The following STX5 variants were observed in gnomAD, a reference collection of about 807,000 sequenced individuals.
STX5 encodes the protein syntaxin-5.
Under a neutral mutation model 42.9 loss-of-function variants are expected in STX5, and 15 were observed. That is an observed-to-expected ratio of 0.35 (90% CI 0.23 to 0.54). STX5 has a LOEUF of 0.54. Among genes scored for constraint, STX5 ranks in the 20% least tolerant of loss-of-function variants. The pLI is 0.91. For missense variants in STX5, 430 were observed against 455.0 expected, an observed-to-expected ratio of 0.95 and a Z score of 0.50; for synonymous variants, 184 against 173.2, an observed-to-expected ratio of 1.06 and a Z score of -0.49.
Position 62,809,763 on chromosome 11 carries a change from T to C in STX5, c.909-2135A>G, listed in dbSNP as rs1417803592. On this transcript the variant is annotated intron_variant, in intron 10 of 10. Transcript: ENST00000294179. ...ATTAGCATGCTGTAGTATCTAGGAATAAAACAGCATGAAATTTGCACCTAC... is the reference window on the plus strand; with the variant it reads ...ATTAGCATGCTGTAGTATCTAGGAACAAAACAGCATGAAATTTGCACCTAC... Among the ~76,000 whole-genome samples the C allele has an allele frequency of 2.3e-5, 3 of 131,852 alleles. No individual in the cohort carries two copies. In the South Asian group the frequency reaches 7.9e-4, roughly 35 times the overall value. 86.5% of individuals were successfully genotyped at this position (131,852 alleles called of 152,430 possible). A position where few individuals can be genotyped will look rare whatever the true frequency, so the allele number is the denominator to read the frequency against.
At chr11:62,816,508 T>C (rs2084674695) in intron 10 of STX5, among the ~76,000 whole-genome samples, 2 of 152,102 alleles carry the variant, frequency 1.3e-5, no homozygotes, top group Admixed American at 1.3e-4. Flanking sequence ...CCTGAGCTTC[T>C]GGCCTCAAGC....
intron 10 of STX5, among the ~76,000 whole-genome samples, chr11:62,821,896 C>T (rs752219209): frequency 2.6e-5 from 4 of 151,264 alleles, no homozygotes; most frequent in African/African-American, 7.3e-5. Context: ...CGTGGTCTCA[C>T]GCACTTGCAG....
chr11:62,816,593 G>A (rs773215781), intron 10 of STX5, among the ~76,000 whole-genome samples: 13 of 151,450 alleles, frequency 8.6e-5, no homozygotes, highest in Non-Finnish European at 1.3e-4. Context: ...GTAAAAAAAC[G>A]AAAAAAGAAA....
At position 62,824,882 on chromosome 11, in the gene STX5, A is replaced by G. The variant is rs117444154; in HGVS notation, c.679+154T>C. 8.9e-4 allele frequency: 620 copies of G among 699,270 alleles called. 7 individuals are homozygous for G. In the East Asian group the frequency reaches 0.014, roughly 15 times the overall value. The allele number at this position is 699,270 out of a possible 1,614,324, so 43.3% of individuals were successfully genotyped here. A position where few individuals can be genotyped will look rare whatever the true frequency, so the allele number is the denominator to read the frequency against. Reference sequence around the variant, plus strand: ...TGTGGGAGTCTAAATGTGGATCACGAATCTCAACCATCTGGTTTGGCCTCT... The same window carrying G: ...TGTGGGAGTCTAAATGTGGATCACGGATCTCAACCATCTGGTTTGGCCTCT... On this transcript the variant is annotated intron_variant, in intron 8 of 10. Coordinates refer to ENST00000294179, the MANE Select transcript of STX5 (RefSeq NM_003164.5).
At chr11:62,823,891 C>G in intron 10 of STX5, 1 of 437,074 alleles carries the variant, frequency 2.3e-6, no homozygotes, top group Non-Finnish European at 4.2e-6. Context: ...TCTGCCCTAT[C>G]AAATTCCATA....
Position 62,825,662 on chromosome 11 carries a change from TCA to T in STX5, c.424-125_424-124del, listed in dbSNP as rs1458221599. 1.8e-5 allele frequency: 15 copies of T among 847,362 alleles called. No homozygotes were observed. The African/African-American group carries it at 2.3e-4, about 13-fold the overall frequency. 52.5% of individuals were successfully genotyped at this position (847,362 alleles called of 1,614,324 possible). On this transcript the variant is annotated intron_variant, in intron 5 of 10. Coordinates refer to ENST00000294179, the MANE Select transcript of STX5 (RefSeq NM_003164.5). ...AGTTACTAGCCAGAGTGAGAGTATC[TCA>T]GACAGTCAGACCAGATGGGCCTGCT...
chr11:62,830,162 C>CTTT (rs201147713), intron 2 of STX5, among the ~76,000 whole-genome samples: 17 of 137,794 alleles, frequency 1.2e-4, no homozygotes, highest in Admixed American at 1.1e-3. Flanking sequence ...CCACGTCCAG[C>CTTT]TTTTTTTTTT....
intron 10 of STX5, among the ~76,000 whole-genome samples, chr11:62,817,674 G>A (rs2084690472): frequency 1.3e-5 from 2 of 152,114 alleles, no homozygotes; most frequent in Non-Finnish European, 2.9e-5. Context: ...TATTATAACT[G>A]AGGGAAAATA....
chr11:62,824,152 A>T lies in STX5; in HGVS notation c.908+14T>A, dbSNP rs372357506. 3 of 1,614,100 alleles carry T rather than the reference A, an allele frequency of 1.9e-6. No homozygotes were observed. The African/African-American group carries it at 4.0e-5, about 22-fold the overall frequency. On this transcript the variant is annotated intron_variant, in intron 10 of 10. Coordinates refer to ENST00000294179, the MANE Select transcript of STX5 (RefSeq NM_003164.5). ...AGAAAGCTCCTCTGTTTGGGGCGAG[A>T]GAGTGTATCTCACCTCTGAATGGTT... is the stretch of plus-strand genomic sequence containing the variant.
intron 10 of STX5, among the ~76,000 whole-genome samples, chr11:62,818,199 C>T (rs1018043875): frequency 1.4e-5 from 2 of 146,910 alleles, no homozygotes; most frequent in Admixed American, 1.4e-4. Flanking sequence ...GAGCCAAGAT[C>T]GCACCACTGC....
chr11:62,824,442 G>C lies in STX5; in HGVS notation c.786+17C>G. The C allele has an allele frequency of 6.2e-7, 1 of 1,614,082 alleles. No homozygotes were observed. The highest frequency in any genetic ancestry group is 8.5e-7 in the Non-Finnish European group (1 of 1,179,976). ...ATAATGGAGAAGCTGATTCTACCTA[G>C]TTCAGAGCCTGGGTACCTGCTCGTC... On this transcript the variant is annotated intron_variant, in intron 9 of 10. Coordinates refer to ENST00000294179, the MANE Select transcript of STX5 (RefSeq NM_003164.5).
intron 1 of STX5, among the ~76,000 whole-genome samples, chr11:62,831,619 C>T (rs1299760169): frequency 2.0e-5 from 3 of 152,182 alleles, no homozygotes; most frequent in Non-Finnish European, 1.5e-5. Context: ...TTTCCTTCGG[C>T]CCCTCCGGGA....
chr11:62,827,021 G>C (rs532209410), intron 5 of STX5, 134 bp downstream of exon 5: 2 of 739,824 alleles, frequency 2.7e-6, no homozygotes, highest in Admixed American at 2.5e-5. Flanking sequence ...CTACACTCCA[G>C]ACTGGTCAAC....
At chr11:62,814,334 G>C (rs564203464) in intron 10 of STX5, among the ~76,000 whole-genome samples, 2 of 152,036 alleles carry the variant, frequency 1.3e-5, no homozygotes, top group South Asian at 4.2e-4. Context: ...CCCTAATTTT[G>C]TATTTTTGGC....
chr11:62,829,462 C>T (rs1016707161), intron 2 of STX5, among the ~76,000 whole-genome samples: 1 of 126,738 alleles, frequency 7.9e-6, no homozygotes, highest in African/African-American at 2.6e-5. Context: ...AAATAGCACT[C>T]CCAAATTTTT....
chr11:62,814,608 G>A (rs1023434086), intron 10 of STX5, among the ~76,000 whole-genome samples: 6 of 151,354 alleles, frequency 4.0e-5, no homozygotes, highest in African/African-American at 7.3e-5. Context: ...ATTACAGGCA[G>A]GTGCCACCAC....
At chr11:62,810,643 A>C (rs772600352) in intron 10 of STX5, among the ~76,000 whole-genome samples, 1 of 152,198 alleles carries the variant, frequency 6.6e-6, no homozygotes, top group Non-Finnish European at 1.5e-5. Context: ...GAATTCTCAA[A>C]TATAAAAATT....
chr11:62,818,689 CAAA>C (rs772514194), intron 10 of STX5, among the ~76,000 whole-genome samples: 5 of 107,930 alleles, frequency 4.6e-5, no homozygotes, highest in Admixed American at 9.9e-5. Context: ...CCGTCTCTAC[CAAA>C]AAAAAAAAAA....
chr11:62,808,537 C>G (rs1232653719), intron 10 of STX5, among the ~76,000 whole-genome samples: 1 of 151,966 alleles, frequency 6.6e-6, no homozygotes, highest in East Asian at 1.9e-4. Flanking sequence ...TCACTTGAGC[C>G]TAGGAGTTGG....
Sources: allele counts gnomAD v4.1 joint callset (sites outside exome capture counted in the v4.1 genomes callset), GRCh38; gene constraint gnomAD v4.1.1; transcripts MANE v1.5; gene names NCBI Gene and HGNC (gene_info 2026-07-23, HGNC 2026-07-21).